Variants in ANTXR2 observed in about 807,000 individuals in gnomAD.
ANTXR2 encodes anthrax toxin receptor 2.
A neutral mutation model predicts 73.7 loss-of-function variants in ANTXR2; 44 were observed. That is an observed-to-expected ratio of 0.60 (90% CI 0.47 to 0.77). The LOEUF (loss-of-function observed/expected upper bound fraction) is 0.77. Ranked by LOEUF, ANTXR2 falls within the 30% of genes least tolerant of loss-of-function variation. ANTXR2 has a pLI of 0.00. For synonymous variants in ANTXR2, 217 were observed against 205.9 expected (o/e 1.05, Z -0.46); for missense variants, 604 against 592.5 (o/e 1.02, Z -0.20).
chr4:79,913,225 T>C (rs1293454116), intron 16 of ANTXR2, among the ~76,000 whole-genome samples: 1 of 152,170 alleles, frequency 6.6e-6, no homozygotes, highest in East Asian at 1.9e-4. Context: ...TATTTTACAA[T>C]TACTATCTTG....
At chr4:80,057,757 AT>A (rs1306579158) in intron 3 of ANTXR2, among the ~76,000 whole-genome samples, 1 of 152,040 alleles carries the variant, frequency 6.6e-6, no homozygotes, top group African/African-American at 2.4e-5. Flanking sequence ...AACTAATTTA[AT>A]TTAAATATTC....
chr4:80,030,939 A>G (rs909815486), intron 10 of ANTXR2, among the ~76,000 whole-genome samples: 1 of 152,030 alleles, frequency 6.6e-6, no homozygotes, highest in African/African-American at 2.4e-5. Context: ...TTGCTTCATC[A>G]TAGAACTGAA....
intron 3 of ANTXR2, among the ~76,000 whole-genome samples, chr4:80,060,331 C>T (rs1247646527): frequency 6.6e-6 from 1 of 152,164 alleles, no homozygotes. Flanking sequence ...TTTGAAAACT[C>T]CCCAGAGTAT....
intron 16 of ANTXR2, among the ~76,000 whole-genome samples, chr4:79,919,604 T>A (rs1214241702): frequency 6.6e-6 from 1 of 151,908 alleles, no homozygotes; most frequent in Admixed American, 6.6e-5. Context: ...TGCTGGATAC[T>A]TCCTGCCCTC....
intron 11 of ANTXR2, among the ~76,000 whole-genome samples, chr4:80,017,492 A>C (rs1731930286): frequency 6.6e-6 from 1 of 150,708 alleles, no homozygotes; most frequent in Non-Finnish European, 1.5e-5. Flanking sequence ...GAGTCATATT[A>C]CCCTCACTCA....
intron 16 of ANTXR2, among the ~76,000 whole-genome samples, chr4:79,931,960 CATT>C (rs1394191012): frequency 6.6e-5 from 10 of 152,280 alleles, no homozygotes; most frequent in African/African-American, 2.4e-4. Context: ...TACCTGATAT[CATT>C]ATTTGCCCAT....
intron 12 of ANTXR2, among the ~76,000 whole-genome samples, chr4:79,997,859 T>C (rs185190362): frequency 6.6e-6 from 1 of 152,108 alleles, no homozygotes; most frequent in Non-Finnish European, 1.5e-5. Flanking sequence ...TCGTAAAAGA[T>C]GCTCTGTCGG....
At chr4:80,047,145 G>A (rs1436881464) in intron 7 of ANTXR2, among the ~76,000 whole-genome samples, 1 of 151,520 alleles carries the variant, frequency 6.6e-6, no homozygotes, top group African/African-American at 2.4e-5. Context: ...TCACAAAGCT[G>A]TACTTATTTA....
intron 11 of ANTXR2, among the ~76,000 whole-genome samples, chr4:80,016,865 A>G (rs148821968): frequency 4.3e-4 from 65 of 152,314 alleles, no homozygotes; most frequent in Middle Eastern, 3.4e-3. Flanking sequence ...CTTCCCCTGT[A>G]AAATATATTC....
intron 11 of ANTXR2, among the ~76,000 whole-genome samples, chr4:80,013,324 T>C (rs1731687084): frequency 6.6e-6 from 1 of 152,202 alleles, no homozygotes. Flanking sequence ...GGACCAGTTG[T>C]GAGAGACGGG....
intron 16 of ANTXR2, among the ~76,000 whole-genome samples, chr4:79,922,267 T>C (rs867094669): frequency 1.3e-5 from 2 of 152,098 alleles, no homozygotes; most frequent in South Asian, 2.1e-4. Context: ...TAAACATAGA[T>C]GCCACTGTGA....
At chr4:80,028,472 G>A (rs990648839) in intron 10 of ANTXR2, among the ~76,000 whole-genome samples, 9 of 152,072 alleles carry the variant, frequency 5.9e-5, no homozygotes, top group Non-Finnish European at 1.2e-4. Context: ...AGAAAAGAAC[G>A]GATAGAGCAG....
intron 12 of ANTXR2, among the ~76,000 whole-genome samples, chr4:80,000,465 A>G (rs1265465690): frequency 6.6e-6 from 1 of 152,100 alleles, no homozygotes; most frequent in Admixed American, 6.6e-5. Flanking sequence ...AAGAAGATGC[A>G]TTCAATAATA....
At chr4:80,055,045 A>G in intron 6 of ANTXR2, 105 bp downstream of exon 6, 1 of 1,037,296 alleles carries the variant, frequency 9.6e-7, no homozygotes, top group Non-Finnish European at 1.4e-6. Context: ...AAAATCTTTA[A>G]CAATCGACCA....
chr4:80,030,975 T>C (rs1376760681), intron 10 of ANTXR2, among the ~76,000 whole-genome samples: 1 of 152,004 alleles, frequency 6.6e-6, no homozygotes, highest in Non-Finnish European at 1.5e-5. Flanking sequence ...GAACACTAAA[T>C]TATCAGTAGA....
chr4:79,999,408 G>C (rs1439820891), intron 12 of ANTXR2, among the ~76,000 whole-genome samples: 2 of 152,038 alleles, frequency 1.3e-5, no homozygotes, highest in East Asian at 1.9e-4. Context: ...TGCCATGATT[G>C]TAAGTTTCCT....
rs770869771 is a variant in ANTXR2, at chr4:79,977,657, G to T, written c.1392C>A (p.Asp464Glu). The T allele has an allele frequency of 2.7e-5, 43 of 1,581,710 alleles. No homozygotes were observed. Among genetic ancestry groups the T allele is most frequent in the South Asian group, 4.6e-5 (4 of 86,114 alleles). ...ALWALLRRQY[D>E]RVSLMRPQEG... is the part of the protein sequence containing the mutation. ...CCTGAGGTCGCATCAAAGAAACCCG[G>T]TCATACTGCCGCCTCAACAAAGCCC... The change falls in exon 16 of 17, where the codon GAC becomes GAA. Residue 464 changes from aspartate to glutamate, a missense_variant. Physicochemically the swap from Asp to Glu is conservative, Grantham distance 45. Transcript: ENST00000403729.
In ANTXR2 at chr4:79,986,917, G is replaced by C. The variant is rs576169273; in HGVS notation, c.1042-2054C>G. ...TGGCCTCCTGAAAGCATCCAGAAATGAAGTCAATCAACTAAACACAATTTA... is the reference window on the plus strand; with the variant it reads ...TGGCCTCCTGAAAGCATCCAGAAATCAAGTCAATCAACTAAACACAATTTA... On this transcript the variant is annotated intron_variant, in intron 12 of 16. Coordinates refer to ENST00000403729, the MANE Select transcript of ANTXR2 (RefSeq NM_058172.6). Among the ~76,000 whole-genome samples the C allele has an allele frequency of 2.0e-5, 3 of 152,278 alleles. No homozygotes were observed. The East Asian group carries it at 5.8e-4, about 29-fold the overall frequency.
chr4:80,047,255 CA>C (rs1392886194), intron 7 of ANTXR2, among the ~76,000 whole-genome samples: 2 of 151,250 alleles, frequency 1.3e-5, no homozygotes, highest in African/African-American at 4.9e-5. Context: ...CATGCAAATA[CA>C]AATACAGCTT....
Sources: gnomAD v4.1 joint callset for allele counts (sites outside exome capture counted in the v4.1 genomes callset) on GRCh38, gnomAD v4.1.1 for gene constraint, MANE v1.5 for transcripts, NCBI Gene and HGNC (gene_info 2026-07-23, HGNC 2026-07-21) for gene names.